The following SPMIP3 variants were observed in gnomAD, a reference collection of about 807,000 sequenced individuals.
The protein encoded by SPMIP3 is protein SPMIP3.
chr1:244,359,689 C>T, the SPMIP3 span, among the ~76,000 whole-genome samples: 1 of 151,850 alleles, frequency 6.6e-6, no homozygotes, highest in Non-Finnish European at 1.5e-5. Flanking sequence ...CGACATTGCA[C>T]TCCAGCCTGG....
the SPMIP3 span, among the ~76,000 whole-genome samples, chr1:244,363,119 A>T: frequency 6.6e-6 from 1 of 151,970 alleles, no homozygotes; most frequent in Admixed American, 6.6e-5. Context: ...AAATAATCAG[A>T]TGTGGGCCAG....
the SPMIP3 span, among the ~76,000 whole-genome samples, chr1:244,366,777 A>G: frequency 9.0e-3 from 1,370 of 152,188 alleles, 25 homozygotes; most frequent in African/African-American, 0.031. Context: ...CTACTCGGGA[A>G]GCTGAGGCAG....
At chr1:244,379,392 A>C in the SPMIP3 span, among the ~76,000 whole-genome samples, 1 of 151,372 alleles carries the variant, frequency 6.6e-6, no homozygotes, top group African/African-American at 2.4e-5. Context: ...TTTTATAGAG[A>C]TGAGGGTCTT....
chr1:244,384,492 CCACA>C, the SPMIP3 span, among the ~76,000 whole-genome samples: 1 of 152,192 alleles, frequency 6.6e-6, no homozygotes, highest in Non-Finnish European at 1.5e-5. Context: ...ACATGAGCCA[CCACA>C]CCTGGCCAGG....
chr1:244,386,404 C>G, the SPMIP3 span, among the ~76,000 whole-genome samples: 3 of 152,174 alleles, frequency 2.0e-5, no homozygotes, highest in Non-Finnish European at 2.9e-5. Context: ...AATCATTTCA[C>G]ACTTTCTTCT....
At chr1:244,385,704 C>T in the SPMIP3 span, among the ~76,000 whole-genome samples, 1 of 150,874 alleles carries the variant, frequency 6.6e-6, no homozygotes, top group African/African-American at 2.5e-5. Flanking sequence ...ATTACTATGC[C>T]TTCAAAAATG....
the SPMIP3 span, among the ~76,000 whole-genome samples, chr1:244,359,408 G>C: frequency 6.6e-6 from 1 of 152,120 alleles, no homozygotes; most frequent in Admixed American, 6.5e-5. Context: ...ACAATCAATA[G>C]GGAAAAGAAA....
At chr1:244,374,572 G>A in the SPMIP3 span, among the ~76,000 whole-genome samples, 1 of 148,326 alleles carries the variant, frequency 6.7e-6, no homozygotes, top group Admixed American at 6.8e-5. Context: ...TCCGTTTACG[G>A]ATTCCCACAT....
the SPMIP3 span, among the ~76,000 whole-genome samples, chr1:244,382,751 G>T: frequency 6.6e-6 from 1 of 151,656 alleles, no homozygotes; most frequent in Non-Finnish European, 1.5e-5. Flanking sequence ...CTACAGGCGC[G>T]CACCACCAGG....
the SPMIP3 span, among the ~76,000 whole-genome samples, chr1:244,364,457 G>C: frequency 6.6e-6 from 1 of 151,624 alleles, no homozygotes; most frequent in Admixed American, 6.6e-5. Context: ...TTTACTTTTG[G>C]TTTTTAAAGA....
At chr1:244,362,407 C>T in the SPMIP3 span, among the ~76,000 whole-genome samples, 1 of 152,176 alleles carries the variant, frequency 6.6e-6, no homozygotes, top group Admixed American at 6.5e-5. Context: ...TACTTAACTT[C>T]TTAGTACCTC....
At chr1:244,378,578 C>T in the SPMIP3 span, 42 of 1,613,504 alleles carry the variant, frequency 2.6e-5, no homozygotes, top group African/African-American at 1.9e-4. Flanking sequence ...CAAAGCCTGC[C>T]GAGCCATGGT....
chr1:244,363,681 C>T, the SPMIP3 span, among the ~76,000 whole-genome samples: 27 of 152,144 alleles, frequency 1.8e-4, no homozygotes, highest in Admixed American at 1.2e-3. Flanking sequence ...CTACTCCCAA[C>T]GCCACTGTCT....
chr1:244,354,169 C>A, the SPMIP3 span, among the ~76,000 whole-genome samples: 1 of 122,418 alleles, frequency 8.2e-6, no homozygotes, highest in Non-Finnish European at 1.7e-5. Flanking sequence ...TTTTCCAAAT[C>A]TTACCAGATA....
chr1:244,370,334 T>C, the SPMIP3 span, among the ~76,000 whole-genome samples: 1 of 152,230 alleles, frequency 6.6e-6, no homozygotes, highest in Non-Finnish European at 1.5e-5. Context: ...GGCACAGGTC[T>C]GGAGGCTTCC....
chr1:244,387,563 C>T, the SPMIP3 span, among the ~76,000 whole-genome samples: 1 of 152,178 alleles, frequency 6.6e-6, no homozygotes, highest in Non-Finnish European at 1.5e-5. Flanking sequence ...TCTGCCTCTG[C>T]CATTTCCTGG....
chr1:244,365,803 G>T, the SPMIP3 span, among the ~76,000 whole-genome samples: 1 of 152,178 alleles, frequency 6.6e-6, no homozygotes, highest in Non-Finnish European at 1.5e-5. Flanking sequence ...TTAGTGAGAA[G>T]TCTGAGCAAT....
chr1:244,383,920 T>G, the SPMIP3 span, among the ~76,000 whole-genome samples: 17 of 152,258 alleles, frequency 1.1e-4, no homozygotes, highest in Admixed American at 1.1e-3. Context: ...AAGGCAGAAG[T>G]AATGATTACA....
the SPMIP3 span, chr1:244,378,401 G>A: frequency 6.1e-6 from 9 of 1,479,244 alleles, no homozygotes; most frequent in Non-Finnish European, 6.5e-6. Flanking sequence ...ATGGATTCCA[G>A]CTGACGAGAA....
Sources: allele counts gnomAD v4.1 joint callset (sites outside exome capture counted in the v4.1 genomes callset), GRCh38; gene constraint gnomAD v4.1.1; transcripts MANE v1.5; gene names NCBI Gene and HGNC (gene_info 2026-07-23, HGNC 2026-07-21).